The following ENOX1 variants were observed in gnomAD, a reference collection of about 807,000 sequenced individuals.
ENOX1 encodes the protein candidate growth-related and time keeping constitutive hydroquinone (NADH) oxidase.
A neutral mutation model predicts 82.5 loss-of-function variants in ENOX1; 42 were observed. That is an observed-to-expected ratio of 0.51 (90% CI 0.40 to 0.66). The LOEUF (loss-of-function observed/expected upper bound fraction) is 0.66. Ranked by LOEUF, ENOX1 falls within the 30% of genes least tolerant of loss-of-function variation. The probability of loss-of-function intolerance (pLI) is 0.00; values close to 1 mark genes in which losing one functional copy is unlikely to be tolerated. For synonymous variants in ENOX1, 271 were observed against 282.2 expected (o/e 0.96, Z 0.40); for missense variants, 608 against 811.6 (o/e 0.75, Z 3.05).
At chr13:43,595,939 C>G (rs937387812) in intron 2 of ENOX1, among the ~76,000 whole-genome samples, 1 of 129,014 alleles carries the variant, frequency 7.8e-6, no homozygotes, top group East Asian at 4.3e-4. Context: ...ACCATATATG[C>G]TCTTATTAAT....
At chr13:43,406,295 G>A (rs1023211072) in intron 5 of ENOX1, among the ~76,000 whole-genome samples, 2 of 152,130 alleles carry the variant, frequency 1.3e-5, no homozygotes, top group Non-Finnish European at 2.9e-5. Context: ...AGAAAGCTAA[G>A]TTCTTCTCAG....
intron 2 of ENOX1, among the ~76,000 whole-genome samples, chr13:43,616,193 T>TAGATATCTATAG (rs2082456958): frequency 4.4e-5 from 1 of 22,490 alleles, no homozygotes; most frequent in African/African-American, 5.8e-5. Flanking sequence ...TATCTATATA[T>TAGATATCTATAG]ATATATATAT....
chr13:43,605,364 C>G (rs1256968759), intron 2 of ENOX1, among the ~76,000 whole-genome samples: 1 of 151,936 alleles, frequency 6.6e-6, no homozygotes, highest in African/African-American at 2.4e-5. Flanking sequence ...CTATACCAAG[C>G]AAAAAGAACA....
chr13:43,741,146 G>A (rs531081696), intron 1 of ENOX1, among the ~76,000 whole-genome samples: 14 of 149,032 alleles, frequency 9.4e-5, no homozygotes, highest in African/African-American at 2.2e-4. Context: ...GTGCAATGGC[G>A]TGATCTCAGC....
chr13:43,650,369 G>A (rs568683776), intron 2 of ENOX1, among the ~76,000 whole-genome samples: 1 of 152,098 alleles, frequency 6.6e-6, no homozygotes, highest in Non-Finnish European at 1.5e-5. Context: ...GCCACAGGCT[G>A]GATTTTCCTC....
At chr13:43,464,260 A>C (rs1340201895) in intron 3 of ENOX1, among the ~76,000 whole-genome samples, 1 of 152,220 alleles carries the variant, frequency 6.6e-6, no homozygotes, top group Non-Finnish European at 1.5e-5. Flanking sequence ...AAATATATGA[A>C]GGAAATAAAT....
At chr13:43,408,335 T>C (rs907188760) in intron 5 of ENOX1, among the ~76,000 whole-genome samples, 10 of 152,222 alleles carry the variant, frequency 6.6e-5, no homozygotes, top group African/African-American at 2.4e-4. Context: ...AGGAAAGGGA[T>C]TTAGTGTCAG....
intron 2 of ENOX1, among the ~76,000 whole-genome samples, chr13:43,581,038 T>C (rs1162054474): frequency 6.6e-6 from 1 of 151,784 alleles, no homozygotes; most frequent in Non-Finnish European, 1.5e-5. Flanking sequence ...TTATTTGCTA[T>C]ACCTTGTATT....
At chr13:43,469,176 T>C (rs1237102219) in intron 3 of ENOX1, among the ~76,000 whole-genome samples, 3 of 152,180 alleles carry the variant, frequency 2.0e-5, no homozygotes, top group Admixed American at 6.5e-5. Flanking sequence ...ATATTTATCA[T>C]GAAACGGATT....
intron 2 of ENOX1, among the ~76,000 whole-genome samples, chr13:43,548,870 G>C (rs528249018): frequency 1.8e-4 from 28 of 152,020 alleles, no homozygotes; most frequent in Admixed American, 5.2e-4. Flanking sequence ...ATCAAAACTG[G>C]GTTCAGATAT....
chr13:43,533,051 A>G (rs577631146), intron 2 of ENOX1, among the ~76,000 whole-genome samples: 48 of 152,240 alleles, frequency 3.2e-4, no homozygotes, highest in African/African-American at 1.1e-3. Context: ...CTTTTACAGA[A>G]AGCACAGTGA....
At chr13:43,231,662 G>A (rs1030667496) in intron 15 of ENOX1, among the ~76,000 whole-genome samples, 5 of 152,156 alleles carry the variant, frequency 3.3e-5, no homozygotes, top group African/African-American at 1.2e-4. Flanking sequence ...TTTAGGACTA[G>A]CTCAGCTGTC....
chr13:43,471,753 T>C (rs972724319), intron 3 of ENOX1, among the ~76,000 whole-genome samples: 1 of 145,430 alleles, frequency 6.9e-6, no homozygotes, highest in African/African-American at 2.6e-5. Flanking sequence ...GAGGTTGCAG[T>C]GAGCAGAGAT....
At chr13:43,532,400 C>T (rs1025124452) in intron 2 of ENOX1, among the ~76,000 whole-genome samples, 1 of 152,090 alleles carries the variant, frequency 6.6e-6, no homozygotes, top group Admixed American at 6.5e-5. Flanking sequence ...CCCTAGATGT[C>T]CCTGATAGAT....
At chr13:43,602,087 A>G (rs2081748284) in intron 2 of ENOX1, among the ~76,000 whole-genome samples, 1 of 152,154 alleles carries the variant, frequency 6.6e-6, no homozygotes, top group African/African-American at 2.4e-5. Flanking sequence ...TATTGAAACA[A>G]ATAATATTTT....
At chr13:43,391,335 T>C (rs76616512) in intron 5 of ENOX1, among the ~76,000 whole-genome samples, 5,724 of 152,246 alleles carry the variant, frequency 0.038, 333 homozygotes, top group African/African-American at 0.12. Context: ...GTTCCCTCTA[T>C]TCTCTTTATG....
At chr13:43,248,824 C>T (rs2043286821) in intron 14 of ENOX1, among the ~76,000 whole-genome samples, 1 of 151,616 alleles carries the variant, frequency 6.6e-6, no homozygotes, top group Admixed American at 6.6e-5. Flanking sequence ...TATATATAAC[C>T]CCCTCCCACA....
At chr13:43,431,292 T>C (rs2055644604) in intron 3 of ENOX1, among the ~76,000 whole-genome samples, 1 of 152,176 alleles carries the variant, frequency 6.6e-6, no homozygotes, top group South Asian at 2.1e-4. Context: ...ACAGATGCTT[T>C]TACTCTTCCT....
chr13:43,730,962 C>T (rs1485100593), intron 1 of ENOX1, among the ~76,000 whole-genome samples: 1 of 152,198 alleles, frequency 6.6e-6, no homozygotes, highest in Non-Finnish European at 1.5e-5. Context: ...TGCTCTTTAA[C>T]ATTGCTCCCC....
Sources: allele counts gnomAD v4.1 joint callset (sites outside exome capture counted in the v4.1 genomes callset), GRCh38; gene constraint gnomAD v4.1.1; transcripts MANE v1.5; gene names NCBI Gene and HGNC (gene_info 2026-07-23, HGNC 2026-07-21).